Variants in PCBP3 observed in about 807,000 individuals in gnomAD.
PCBP3 encodes the protein poly(rC) binding protein 3.
A neutral mutation model predicts 52.7 loss-of-function variants in PCBP3; 25 were observed. The ratio of observed to expected loss-of-function variants is 0.47; its 90% CI spans 0.35 to 0.66. PCBP3 has a LOEUF of 0.66. PCBP3 is among the 30% of genes least tolerant of loss of function. The probability of loss-of-function intolerance (pLI) is 0.01; values close to 1 mark genes in which losing one functional copy is unlikely to be tolerated. For synonymous variants in PCBP3, 162 were observed against 183.0 expected (o/e 0.89, Z 0.93); for missense variants, 391 against 490.3 (o/e 0.80, Z 1.91).
intron 5 of PCBP3, among the ~76,000 whole-genome samples, chr21:45,875,199 C>T (rs967916256): frequency 2.6e-5 from 4 of 151,916 alleles, no homozygotes; most frequent in Non-Finnish European, 5.9e-5. Flanking sequence ...GGGGCCCTTC[C>T]ACGCGGCGCG....
Position 45,899,626 on chromosome 21 carries a change from A to G in PCBP3, c.189+4A>G. On this transcript the variant is annotated splice_donor_region_variant and intron_variant, in intron 7 of 17. Transcript: ENST00000681687. ...AGTTGGAAGCATCATCGGGAAGGTA[A>G]TTATTGATTGAATCTCTGCCTCTCC... The G allele has an allele frequency of 6.2e-7, 1 of 1,607,458 alleles. No homozygotes were observed.
intron 4 of PCBP3, among the ~76,000 whole-genome samples, chr21:45,845,795 G>A (rs1359085044): frequency 2.0e-5 from 3 of 152,270 alleles, no homozygotes; most frequent in African/African-American, 7.2e-5. Context: ...ACTGTGCCCA[G>A]GAGGGAATGT....
In PCBP3 at chr21:45,852,836, A is replaced by T. The variant is rs76044143; in HGVS notation, c.10+2741A>T. On this transcript the variant is annotated intron_variant, in intron 5 of 17. Transcript: ENST00000681687. ...GACCTCTGACTTCTGGAAATAGAAGATAATAAATTTGTGATGTAATTTGTA... is the reference window on the plus strand; with the variant it reads ...GACCTCTGACTTCTGGAAATAGAAGTTAATAAATTTGTGATGTAATTTGTA... Among the ~76,000 whole-genome samples the T allele has an allele frequency of 3.1e-3, 476 of 152,380 alleles. 5 individuals are homozygous for T. The East Asian group carries it at 0.033, about 11-fold the overall frequency.
At chr21:45,809,693 G>T (rs951627886) in intron 4 of PCBP3, among the ~76,000 whole-genome samples, 1 of 152,250 alleles carries the variant, frequency 6.6e-6, no homozygotes, top group Non-Finnish European at 1.5e-5. Flanking sequence ...GCTATGCTGC[G>T]ATCCGGGTCG....
Position 45,827,825 on chromosome 21 carries a change from A to T in PCBP3, c.-125-22136A>T, listed in dbSNP as rs939928822. 6.6e-6 allele frequency: 1 copy of T among 152,288 alleles called. No individual in the cohort carries two copies. Among genetic ancestry groups the T allele is most frequent in the Non-Finnish European group, 1.5e-5 (1 of 68,078 alleles). The allele number at this position is 152,288 out of a possible 1,614,324, so 9.4% of individuals were successfully genotyped here. On this transcript the variant is annotated intron_variant, in intron 4 of 17. Coordinates refer to ENST00000681687, the MANE Select transcript of PCBP3 (RefSeq NM_001384156.1). The surrounding 1 kb of genome is among the most constrained non-coding windows in gnomAD (Gnocchi z 4.3). ...TTGCCAGATTCATACCAACAGGAGA[A>T]AGAAAATTTGGAACTAACCTGGCCA...
chr21:45,925,181 C>T lies in PCBP3; in HGVS notation c.718-4736C>T, dbSNP rs2075226328. On this transcript the variant is annotated intron_variant, in intron 13 of 17. Transcript: ENST00000681687. ...CCAGGAACAGTCGAGTGGGTAGAAACAGCACACGTAAGGTCGGGTGTGCGT... is the reference window on the plus strand; with the variant it reads ...CCAGGAACAGTCGAGTGGGTAGAAATAGCACACGTAAGGTCGGGTGTGCGT... 2.0e-5 allele frequency among the ~76,000 whole-genome samples: 3 copies of T among 150,658 alleles called. 1 individual carries two copies. In the South Asian group the frequency reaches 6.3e-4, roughly 32 times the overall value.
At chr21:45,835,328 A>G (rs907366122) in intron 4 of PCBP3, among the ~76,000 whole-genome samples, 3 of 152,090 alleles carry the variant, frequency 2.0e-5, no homozygotes, top group Non-Finnish European at 1.5e-5. Flanking sequence ...GCTTAGCAGC[A>G]CCGGAGCTGC....
chr21:45,667,108 T>TTCTTTCTTTCTTTCTTTCTTTC (rs141900158), intron 1 of PCBP3, among the ~76,000 whole-genome samples: 2 of 93,612 alleles, frequency 2.1e-5, no homozygotes, highest in Non-Finnish European at 4.4e-5. Context: ...CTTTCTTTCT[T>TTCTTTCTTTCTTTCTTTCTTTC]TTTCTTTCTT....
At chr21:45,722,220 G>T (rs755395028) in intron 2 of PCBP3, among the ~76,000 whole-genome samples, 2 of 152,172 alleles carry the variant, frequency 1.3e-5, no homozygotes, top group Non-Finnish European at 2.9e-5. Context: ...AATGTACCCA[G>T]TATACTGGCA....
chr21:45,717,597 G>A (rs949440493), intron 2 of PCBP3, among the ~76,000 whole-genome samples: 2 of 152,010 alleles, frequency 1.3e-5, no homozygotes, highest in African/African-American at 4.8e-5. Flanking sequence ...TGATCATGTG[G>A]TTTTTGTCCT....
chr21:45,941,446 G>A (rs1016637759), intron 17 of PCBP3, among the ~76,000 whole-genome samples: 6 of 152,208 alleles, frequency 3.9e-5, no homozygotes, highest in Non-Finnish European at 8.8e-5. Context: ...AAGCCCCCAT[G>A]CAGGGCTGGC....
At chr21:45,846,042 C>A (rs2093803493) in intron 4 of PCBP3, among the ~76,000 whole-genome samples, 1 of 152,166 alleles carries the variant, frequency 6.6e-6, no homozygotes, top group African/African-American at 2.4e-5. Context: ...GTGGAGATTC[C>A]ATCTCGTTTG....
intron 11 of PCBP3, among the ~76,000 whole-genome samples, chr21:45,912,795 C>T (rs529610672): frequency 6.6e-6 from 1 of 152,162 alleles, no homozygotes; most frequent in Non-Finnish European, 1.5e-5. Flanking sequence ...CAGCGGCTCC[C>T]GTCTACCTCA....
At chr21:45,922,969 G>GA (rs1357881559) in intron 13 of PCBP3, among the ~76,000 whole-genome samples, 3 of 123,478 alleles carry the variant, frequency 2.4e-5, no homozygotes. Flanking sequence ...GGAAATTGTA[G>GA]AAATGTGTCG....
chr21:45,929,407 G>A (rs2075884830), intron 13 of PCBP3, among the ~76,000 whole-genome samples: 2 of 152,224 alleles, frequency 1.3e-5, no homozygotes, highest in South Asian at 4.1e-4. Context: ...GGTAAAGCAA[G>A]GCCCTGCAGG....
chr21:45,887,771 G>T (rs747625304), intron 5 of PCBP3, among the ~76,000 whole-genome samples: 1 of 152,232 alleles, frequency 6.6e-6, no homozygotes, highest in African/African-American at 2.4e-5. Flanking sequence ...GGTGCATCCT[G>T]CCAGGTCGCC....
At chr21:45,783,692 C>T (rs1268013098) in intron 4 of PCBP3, among the ~76,000 whole-genome samples, 1 of 152,154 alleles carries the variant, frequency 6.6e-6, no homozygotes, top group East Asian at 1.9e-4. Flanking sequence ...GAGGCCAGGG[C>T]TGGAAAGATG....
In PCBP3 at chr21:45,827,084, CAA is replaced by C. The variant is rs912054709; in HGVS notation, c.-125-22876_-125-22875del. ...TGTACTCCCAGCTGAGCCAGGCTCT[CAA>C]GAGCGCTCCCCACTCCCGCGTCCCT... On this transcript the variant is annotated intron_variant, in intron 4 of 17. Coordinates refer to ENST00000681687, the MANE Select transcript of PCBP3 (RefSeq NM_001384156.1). This position sits in a 1 kb window ranked among gnomAD's most constrained non-coding sequence, Gnocchi z 4.3. Among the ~76,000 whole-genome samples the C allele has an allele frequency of 1.3e-5, 2 of 152,156 alleles. No homozygotes were observed. The highest frequency in any genetic ancestry group is 4.8e-5 in the African/African-American group (2 of 41,432).
rs2091332304 is a variant in PCBP3, at chr21:45,788,794, G to A, written c.-126+33342G>A. On this transcript the variant is annotated intron_variant, in intron 4 of 17. Coordinates refer to ENST00000681687, the MANE Select transcript of PCBP3 (RefSeq NM_001384156.1). This position sits in a 1 kb window ranked among gnomAD's most constrained non-coding sequence, Gnocchi z 4.3. ...TTGTATTTCTTAAACAACATGATCT[G>A]GAGTATGTGGTGACTGTCAACTTTT... 6.6e-6 allele frequency: 1 copy of A among 152,166 alleles called. No individual in the cohort carries two copies. The highest frequency in any genetic ancestry group is 2.1e-4 in the South Asian group (1 of 4,832). 9.4% of individuals were successfully genotyped at this position (152,166 alleles called of 1,614,324 possible).
Sources: gnomAD v4.1 joint callset for allele counts (sites outside exome capture counted in the v4.1 genomes callset) on GRCh38, gnomAD v4.1.1 for gene constraint, Gnocchi (gnomAD v3.1) non-coding constraint, MANE v1.5 for transcripts, NCBI Gene and HGNC (gene_info 2026-07-23, HGNC 2026-07-21) for gene names.